The following SGCD variants were observed in gnomAD, a reference collection of about 807,000 sequenced individuals.
SGCD encodes the protein delta-sarcoglycan.
SGCD carries 18 observed loss-of-function variants against 36.6 expected under a neutral mutation model. The observed-to-expected ratio is 0.49, with a 90% confidence interval of 0.34 to 0.73. The LOEUF is 0.73. Among genes scored for constraint, SGCD ranks in the 30% least tolerant of loss-of-function variants. SGCD has a pLI of 0.01. For missense variants in SGCD, 387 were observed against 346.7 expected, an observed-to-expected ratio of 1.12 and a Z score of -0.92; for synonymous variants, 133 against 130.6, an observed-to-expected ratio of 1.02 and a Z score of -0.12.
At chr5:156,490,372 TG>T (rs1393540721) in intron 3 of SGCD, among the ~76,000 whole-genome samples, 1 of 151,978 alleles carries the variant, frequency 6.6e-6, no homozygotes, top group Non-Finnish European at 1.5e-5. Flanking sequence ...AGCATTACCC[TG>T]ATTTCAAAAC....
intron 3 of SGCD, among the ~76,000 whole-genome samples, chr5:156,156,103 C>G (rs17053262): frequency 0.041 from 6,242 of 151,662 alleles, 460 homozygotes; most frequent in African/African-American, 0.11. Context: ...AGCTATTCTA[C>G]TTTCACCAAG....
intron 3 of SGCD, among the ~76,000 whole-genome samples, chr5:156,160,690 A>G (rs948694942): frequency 6.6e-6 from 1 of 151,258 alleles, no homozygotes; most frequent in South Asian, 2.1e-4. Context: ...CTTTGCTAAC[A>G]TTGTGCTTGA....
At chr5:156,528,372 A>G (rs1245899600) in intron 4 of SGCD, among the ~76,000 whole-genome samples, 1 of 152,206 alleles carries the variant, frequency 6.6e-6, no homozygotes, top group African/African-American at 2.4e-5. Context: ...ATAATACTAT[A>G]TATTATTAGC....
chr5:155,734,860 G>A, the SGCD span, among the ~76,000 whole-genome samples: 1 of 152,120 alleles, frequency 6.6e-6, no homozygotes, highest in Non-Finnish European at 1.5e-5. Context: ...GCTTCTTTGG[G>A]AAAAATCTCC....
At chr5:156,626,176 G>A (rs1280928091) in intron 6 of SGCD, among the ~76,000 whole-genome samples, 2 of 152,170 alleles carry the variant, frequency 1.3e-5, no homozygotes, top group Admixed American at 6.5e-5. Context: ...TTGAGAAGCC[G>A]TGGGCTAGAG....
At chr5:155,802,107 C>T in the SGCD span, among the ~76,000 whole-genome samples, 3 of 152,272 alleles carry the variant, frequency 2.0e-5, no homozygotes, top group African/African-American at 7.2e-5. Context: ...AAGTGTTTTT[C>T]CCAGAAGAGG....
At chr5:156,071,879 A>T (rs1760577200) in intron 1 of SGCD, among the ~76,000 whole-genome samples, 1 of 152,130 alleles carries the variant, frequency 6.6e-6, no homozygotes, top group South Asian at 2.1e-4. Context: ...CTTTACCATT[A>T]TGTAATGGCC....
intron 3 of SGCD, among the ~76,000 whole-genome samples, chr5:156,318,444 A>G (rs1367116488): frequency 1.3e-5 from 2 of 152,154 alleles, no homozygotes; most frequent in African/African-American, 4.8e-5. Context: ...CCTGTTTTGT[A>G]TCTATCATAT....
the SGCD span, among the ~76,000 whole-genome samples, chr5:155,798,765 A>G: frequency 1.6e-4 from 24 of 152,202 alleles, no homozygotes; most frequent in African/African-American, 5.5e-4. Flanking sequence ...AAATTTTGGT[A>G]AAACAATCTG....
intron 3 of SGCD, among the ~76,000 whole-genome samples, chr5:156,404,015 A>G (rs957962299): frequency 4.6e-5 from 7 of 151,922 alleles, no homozygotes; most frequent in Non-Finnish European, 8.8e-5. Flanking sequence ...TTGTATTTTT[A>G]GTAGAGACAA....
chr5:156,082,814 A>G (rs1760992956), intron 1 of SGCD, among the ~76,000 whole-genome samples: 1 of 152,162 alleles, frequency 6.6e-6, no homozygotes, highest in South Asian at 2.1e-4. Flanking sequence ...TTGCATGTTT[A>G]ATTTTTTTTG....
intron 7 of SGCD, among the ~76,000 whole-genome samples, chr5:156,739,119 A>AT (rs963457758): frequency 5.3e-5 from 8 of 151,786 alleles, no homozygotes; most frequent in South Asian, 2.1e-4. Context: ...CTAGCATCAT[A>AT]TTTTTTTTTC....
At chr5:156,639,030 C>T (rs1762931825) in intron 6 of SGCD, among the ~76,000 whole-genome samples, 1 of 151,404 alleles carries the variant, frequency 6.6e-6, no homozygotes, top group African/African-American at 2.4e-5. Flanking sequence ...GTCTTCATCA[C>T]TATCTTTTAT....
At chr5:155,813,174 C>T in the SGCD span, among the ~76,000 whole-genome samples, 2 of 151,716 alleles carry the variant, frequency 1.3e-5, no homozygotes, top group Non-Finnish European at 2.9e-5. Context: ...GTTAGACAAA[C>T]ATATTGGATA....
intron 1 of SGCD, among the ~76,000 whole-genome samples, chr5:156,110,101 G>T (rs903347483): frequency 6.6e-6 from 1 of 152,178 alleles, no homozygotes; most frequent in African/African-American, 2.4e-5. Flanking sequence ...CTTTTAAGGT[G>T]TGAGAAGCAG....
At chr5:156,359,651 T>C (rs1769680952) in intron 3 of SGCD, among the ~76,000 whole-genome samples, 2 of 152,192 alleles carry the variant, frequency 1.3e-5, no homozygotes, top group Non-Finnish European at 2.9e-5. Flanking sequence ...CCTTAGTCTC[T>C]GTGCTTGTGG....
intron 1 of SGCD, among the ~76,000 whole-genome samples, chr5:155,878,280 A>G (rs887746303): frequency 3.3e-5 from 5 of 152,140 alleles, no homozygotes; most frequent in Non-Finnish European, 7.4e-5. Context: ...GGCTTGAATC[A>G]TAGACTTAGC....
chr5:155,888,986 G>A (rs1241232873), intron 1 of SGCD, among the ~76,000 whole-genome samples: 2 of 152,150 alleles, frequency 1.3e-5, no homozygotes, highest in African/African-American at 4.8e-5. Context: ...AGTTCAAATG[G>A]CTTTCACGAA....
intron 1 of SGCD, among the ~76,000 whole-genome samples, chr5:155,933,045 G>T (rs1757128456): frequency 6.6e-6 from 1 of 152,180 alleles, no homozygotes; most frequent in Admixed American, 6.5e-5. Context: ...TTAGTATGTT[G>T]CTTTGTCCAC....
Sources: allele counts gnomAD v4.1 joint callset (sites outside exome capture counted in the v4.1 genomes callset), GRCh38; gene constraint gnomAD v4.1.1; transcripts MANE v1.5; gene names NCBI Gene and HGNC (gene_info 2026-07-23, HGNC 2026-07-21).